Variants in ARL4A observed in about 807,000 individuals in gnomAD.
ARL4A encodes ADP-ribosylation factor-like protein 4A.
ARL4A carries 5 observed loss-of-function variants against 13.9 expected under a neutral mutation model. The ratio of observed to expected loss-of-function variants is 0.36; its 90% CI spans 0.19 to 0.75. The LOEUF (loss-of-function observed/expected upper bound fraction) is 0.75, where lower values mean the gene tolerates loss of function less well. Ranked by LOEUF, ARL4A falls within the 30% of genes least tolerant of loss-of-function variation. The pLI is 0.53. For missense variants in ARL4A, 147 were observed against 225.8 expected, an observed-to-expected ratio of 0.65 and a Z score of 2.24; for synonymous variants, 77 against 84.4, an observed-to-expected ratio of 0.91 and a Z score of 0.48.
rs1416174090 is a variant in ARL4A, at chr7:12,689,893, T to C, written c.*1036T>C. ...GAGAAGAGCAAAAGCTTTATAAATA[T>C]ACCTGATGCGCTGTAGAATGAAAAT... On this transcript the variant is annotated 3_prime_UTR_variant, in exon 2 of 2. Transcript: ENST00000651779. The C allele has an allele frequency of 1.2e-5, 2 of 167,012 alleles. No individual in the cohort carries two copies. The highest frequency in any genetic ancestry group is 2.9e-5 in the Non-Finnish European group (2 of 68,108). 10.3% of individuals were successfully genotyped at this position (167,012 alleles called of 1,614,324 possible).
rs547786228 is a variant in ARL4A, at chr7:12,688,189, C to T, written c.-66C>T. ...AGCAGTCTTATAGCTGGATCAGCTA[C>T]CAAGAGAAGTTGTAAACCAAGAAGA... is the stretch of plus-strand genomic sequence containing the variant. On this transcript the variant is annotated 5_prime_UTR_variant, in exon 2 of 2. Transcript: ENST00000651779. This position sits in a 1 kb window ranked among gnomAD's most constrained non-coding sequence, Gnocchi z 5.2. The T allele has an allele frequency of 5.4e-4, 818 of 1,515,938 alleles. 8 individuals carry two copies. The South Asian group carries it at 0.011, about 19-fold the overall frequency. 93.9% of individuals were successfully genotyped at this position (1,515,938 alleles called of 1,614,324 possible). A position where few individuals can be genotyped will look rare whatever the true frequency, so the allele number is the denominator to read the frequency against.
chr7:12,688,725 C>T lies in ARL4A; in HGVS notation c.471C>T (p.Ser157=). The T allele has an allele frequency of 1.2e-6, 2 of 1,613,956 alleles. No homozygotes were observed. Among genetic ancestry groups the T allele is most frequent in the Non-Finnish European group, 1.7e-6 (2 of 1,179,854 alleles). Residue 157 remains serine, a synonymous_variant, in exon 2 of 2, where the codon AGC becomes AGT. Coordinates refer to ENST00000651779, the MANE Select transcript of ARL4A (RefSeq NM_005738.5). The surrounding 1 kb of genome is among the most constrained non-coding windows in gnomAD (Gnocchi z 5.2). The part of the protein sequence containing the change: ...IEKLLAMGEL[S]SSTPWHLQPT... Reference sequence around the variant, plus strand: ...AATTGTTAGCAATGGGTGAACTGAGCTCATCAACTCCTTGGCATTTGCAGC... The same window carrying T: ...AATTGTTAGCAATGGGTGAACTGAGTTCATCAACTCCTTGGCATTTGCAGC...
rs1161038378 is a variant in ARL4A, at chr7:12,689,800, G to A, written c.*943G>A. The A allele has an allele frequency of 6.0e-6, 1 of 166,716 alleles. No homozygotes were observed. Among genetic ancestry groups the A allele is most frequent in the Non-Finnish European group, 1.5e-5 (1 of 68,096 alleles). 10.3% of individuals were successfully genotyped at this position (166,716 alleles called of 1,614,324 possible). On this transcript the variant is annotated 3_prime_UTR_variant, in exon 2 of 2. Transcript: ENST00000651779. ...GGTCTCTAAAATATTCCAGTTACAA[G>A]ATATTTGTTTTATTAATATTTGCTG...
chr7:12,687,250 G>A (rs1427998480), upstream of ARL4A: 2 of 152,190 alleles, frequency 1.3e-5, no homozygotes, highest in African/African-American at 4.8e-5. The surrounding 1 kb of genome is among the most constrained non-coding windows in gnomAD (Gnocchi z 5.6). Context: ...GGGTTAACGC[G>A]TTGGCAGTGA....
At position 12,689,352 on chromosome 7, in the gene ARL4A, G is replaced by A. The variant is rs2241748; in HGVS notation, c.*495G>A. 0.17 allele frequency: 28,370 copies of A among 167,582 alleles called. 4,078 individuals carry two copies. The highest frequency in any genetic ancestry group is 0.4 in the African/African-American group (16,628 of 41,452). The allele number at this position is 167,582 out of a possible 1,614,324, so 10.4% of individuals were successfully genotyped here. Reference sequence around the variant, plus strand: ...GTCCTTTTTTGAAGTAAGGGACAAGGAGTAAGTATTTTCTTTTTTAAGTTT... The same window carrying A: ...GTCCTTTTTTGAAGTAAGGGACAAGAAGTAAGTATTTTCTTTTTTAAGTTT... On this transcript the variant is annotated 3_prime_UTR_variant, in exon 2 of 2. Coordinates refer to ENST00000651779, the MANE Select transcript of ARL4A (RefSeq NM_005738.5).
Position 12,688,528 on chromosome 7 carries a change from T to C in ARL4A, c.274T>C (p.Cys92Arg), listed in dbSNP as rs1189020211. 1 of 1,612,026 alleles carries C rather than the reference T, an allele frequency of 6.2e-7. No homozygotes were observed. The highest frequency in any genetic ancestry group is 1.7e-5 in the Admixed American group (1 of 60,024). Residue 92 changes from cysteine (C) to arginine (R), a missense_variant, in exon 2 of 2, where the codon TGC becomes CGC. Transcript: ENST00000651779. The surrounding 1 kb of genome is among the most constrained non-coding windows in gnomAD (Gnocchi z 5.2). ...LRPLWKSYTRCTDGIVFVVDS... is the reference protein window; with the variant it reads ...LRPLWKSYTRRTDGIVFVVDS... ...GCCACTGTGGAAGTCATATACCAGATGCACAGATGGCATTGTATTTGTTGT... is the reference window on the plus strand; with the variant it reads ...GCCACTGTGGAAGTCATATACCAGACGCACAGATGGCATTGTATTTGTTGT...
rs1411782849 is a variant in ARL4A at position 12,688,441 on chromosome 7, T to C, written c.187T>C (p.Leu63=). The C allele has an allele frequency of 6.2e-7, 1 of 1,613,258 alleles. No homozygotes were observed. The highest frequency in any genetic ancestry group is 1.1e-5 in the South Asian group (1 of 91,040). Residue 63 remains leucine, a synonymous_variant, in exon 2 of 2, where the codon TTG becomes CTG. Coordinates refer to ENST00000651779, the MANE Select transcript of ARL4A (RefSeq NM_005738.5). The surrounding 1 kb of genome is among the most constrained non-coding windows in gnomAD (Gnocchi z 5.2). ...GFNTEKIKVT[L]GNSKTVTFHF... Reference sequence around the variant, plus strand: ...TAACACTGAGAAAATTAAGGTAACCTTGGGAAATTCTAAAACAGTCACTTT... The same window carrying C: ...TAACACTGAGAAAATTAAGGTAACCCTGGGAAATTCTAAAACAGTCACTTT...
Position 12,689,234 on chromosome 7 carries a change from A to T in ARL4A, c.*377A>T, listed in dbSNP as rs1367743113. 2 of 209,516 alleles carry T rather than the reference A, an allele frequency of 9.5e-6. No individual in the cohort carries two copies. Among genetic ancestry groups the T allele is most frequent in the East Asian group, 2.6e-4 (2 of 7,644 alleles). 13.0% of individuals were successfully genotyped at this position (209,516 alleles called of 1,614,324 possible). ...GGGGAAGCCTTTGCAAGAAAATTGCATACAAGGCTTTGTAACGATCAAGTG... is the reference window on the plus strand; with the variant it reads ...GGGGAAGCCTTTGCAAGAAAATTGCTTACAAGGCTTTGTAACGATCAAGTG... On this transcript the variant is annotated 3_prime_UTR_variant, in exon 2 of 2. Coordinates refer to ENST00000651779, the MANE Select transcript of ARL4A (RefSeq NM_005738.5).
Position 12,690,346 on chromosome 7 carries a change from C to A in ARL4A, c.*1489C>A, listed in dbSNP as rs1583346019. 6.8e-6 allele frequency: 1 copy of A among 147,822 alleles called. No individual in the cohort carries two copies. The highest frequency in any genetic ancestry group is 1.6e-5 in the Non-Finnish European group (1 of 62,568). 9.2% of individuals were successfully genotyped at this position (147,822 alleles called of 1,614,324 possible). On this transcript the variant is annotated 3_prime_UTR_variant, in exon 2 of 2. Transcript: ENST00000651779. ...CATAACAGTTTTTGGAACCTTGATT[C>A]TTGTGTCACACAAAATGAATGAAGT...
chr7:12,690,023 A>G lies in ARL4A; in HGVS notation c.*1166A>G, dbSNP rs1784592716. The stretch of plus-strand genomic sequence containing the variant: ...TGATTATAGAGAGGAAGAAATGGTA[A>G]CAGTATGGCAGATAAGAATTACAAT... On this transcript the variant is annotated 3_prime_UTR_variant, in exon 2 of 2. Transcript: ENST00000651779. 6.0e-6 allele frequency: 1 copy of G among 167,096 alleles called. No homozygotes were observed. The highest frequency in any genetic ancestry group is 1.5e-5 in the Non-Finnish European group (1 of 68,122). The allele number at this position is 167,096 out of a possible 1,614,324, so 10.4% of individuals were successfully genotyped here.
rs1290127102 is a variant in ARL4A at position 12,688,626 on chromosome 7, T to C, written c.372T>C (p.Asn124=). 6.2e-7 allele frequency: 1 copy of C among 1,613,428 alleles called. No individual in the cohort carries two copies. The highest frequency in any genetic ancestry group is 1.1e-5 in the South Asian group (1 of 91,054). Residue 124 remains asparagine (N), a synonymous_variant, in exon 2 of 2, where the codon AAT becomes AAC. Coordinates refer to ENST00000651779, the MANE Select transcript of ARL4A (RefSeq NM_005738.5). The surrounding 1 kb of genome is among the most constrained non-coding windows in gnomAD (Gnocchi z 5.2). ...ACAAAATAACTAGGATATCAGAAAA[T>C]CAGGGAGTCCCTGTACTTATAGTTG... ...ELHKITRISE[N]QGVPVLIVAN...
At position 12,688,310 on chromosome 7, in the gene ARL4A, A is replaced by G. The variant is rs764487561; in HGVS notation, c.56A>G (p.Gln19Arg). The change falls in exon 2 of 2, where the codon CAG becomes CGG. Residue 19 changes from glutamine (Q) to arginine (R), a missense_variant. Physicochemically the swap from Gln to Arg is conservative, Grantham distance 43. Coordinates refer to ENST00000651779, the MANE Select transcript of ARL4A (RefSeq NM_005738.5). The surrounding 1 kb of genome is among the most constrained non-coding windows in gnomAD (Gnocchi z 5.2). ...TSILSNLPSF[Q>R]SFHIVILGLD... is the part of the protein sequence containing the mutation. ...ATCCTGTCCAACCTGCCTTCATTTCAGTCTTTCCACATTGTTATTCTGGGT... is the reference window on the plus strand; with the variant it reads ...ATCCTGTCCAACCTGCCTTCATTTCGGTCTTTCCACATTGTTATTCTGGGT... 9.3e-6 allele frequency: 15 copies of G among 1,613,380 alleles called. No homozygotes were observed. The highest frequency in any genetic ancestry group is 7.7e-5 in the South Asian group (7 of 90,954).
At position 12,689,327 on chromosome 7, in the gene ARL4A, G is replaced by C. The variant is rs1784580846; in HGVS notation, c.*470G>C. 1 of 168,116 alleles carries C rather than the reference G, an allele frequency of 5.9e-6. No individual in the cohort carries two copies. The highest frequency in any genetic ancestry group is 1.5e-5 in the Non-Finnish European group (1 of 68,890). The allele number at this position is 168,116 out of a possible 1,614,324, so 10.4% of individuals were successfully genotyped here. The stretch of plus-strand genomic sequence containing the variant: ...TATATTGATCACATTGGTCCAACCA[G>C]TCCTTTTTTGAAGTAAGGGACAAGG... On this transcript the variant is annotated 3_prime_UTR_variant, in exon 2 of 2. Transcript: ENST00000651779.
Position 12,688,398 on chromosome 7 carries a change from C to T in ARL4A, c.144C>T (p.Thr48=), listed in dbSNP as rs1230006090. The change falls in exon 2 of 2, where the codon ACC becomes ACT. Residue 48 remains threonine, a synonymous_variant. Transcript: ENST00000651779. The surrounding 1 kb of genome is among the most constrained non-coding windows in gnomAD (Gnocchi z 5.2). ...TGCAGTTCAATGAATTTGTAAATAC[C>T]GTACCTACCAAAGGATTTAACACTG... ...YRLQFNEFVN[T]VPTKGFNTEK... 1.9e-6 allele frequency: 3 copies of T among 1,613,722 alleles called. No homozygotes were observed. Among genetic ancestry groups the T allele is most frequent in the African/African-American group, 2.7e-5 (2 of 74,872 alleles).
chr7:12,688,963 T>G lies in ARL4A; in HGVS notation c.*106T>G, dbSNP rs1292151397. The G allele has an allele frequency of 3.3e-5, 38 of 1,164,654 alleles. No individual in the cohort carries two copies. The highest frequency in any genetic ancestry group is 4.5e-5 in the Non-Finnish European group (37 of 819,620). 72.1% of individuals were successfully genotyped at this position (1,164,654 alleles called of 1,614,324 possible). A position where few individuals can be genotyped will look rare whatever the true frequency, so the allele number is the denominator to read the frequency against. On this transcript the variant is annotated 3_prime_UTR_variant, in exon 2 of 2. Transcript: ENST00000651779. The surrounding 1 kb of genome is among the most constrained non-coding windows in gnomAD (Gnocchi z 5.2). ...TTTGCCTGTCTGCCCTCCTGGATGC[T>G]ATTAAAGCTTTGTTTTGTTGAACAA... is the stretch of plus-strand genomic sequence containing the variant.
rs985268137 is a variant in ARL4A at position 12,687,776 on chromosome 7, G to C, written c.-90+48G>C. On this transcript the variant is annotated intron_variant, in intron 1 of 1. Coordinates refer to ENST00000651779, the MANE Select transcript of ARL4A (RefSeq NM_005738.5). This position sits in a 1 kb window ranked among gnomAD's most constrained non-coding sequence, Gnocchi z 5.6. ...AGGGGTAGGAGGTAATAGTGATCTT[G>C]GGTATGCTGTTAAGCATGTGGAATT... 1 of 156,212 alleles carries C rather than the reference G, an allele frequency of 6.4e-6. No homozygotes were observed. The highest frequency in any genetic ancestry group is 2.4e-5 in the African/African-American group (1 of 41,484). 9.7% of individuals were successfully genotyped at this position (156,212 alleles called of 1,614,324 possible).
In ARL4A at chr7:12,688,065, T is replaced by G; in HGVS notation, c.-89-101T>G. 1 of 748,814 alleles carries G rather than the reference T, an allele frequency of 1.3e-6. No homozygotes were observed. 46.4% of individuals were successfully genotyped at this position (748,814 alleles called of 1,614,324 possible). ...CGTCTGGTTTGTTTAGCGCAGCAAGTTATAGTAAGTTCTTCGTGTTGTTTA... is the reference window on the plus strand; with the variant it reads ...CGTCTGGTTTGTTTAGCGCAGCAAGGTATAGTAAGTTCTTCGTGTTGTTTA... On this transcript the variant is annotated intron_variant, in intron 1 of 1. Coordinates refer to ENST00000651779, the MANE Select transcript of ARL4A (RefSeq NM_005738.5). This position sits in a 1 kb window ranked among gnomAD's most constrained non-coding sequence, Gnocchi z 5.2.
rs2115332608 is a variant in ARL4A, at chr7:12,688,995, G to A, written c.*138G>A. ...GCTTTGTTTTGTTGAACAATCAGAT[G>A]CCCAACTCTGTTGCCTTGTGGAAGA... is the stretch of plus-strand genomic sequence containing the variant. On this transcript the variant is annotated 3_prime_UTR_variant, in exon 2 of 2. Coordinates refer to ENST00000651779, the MANE Select transcript of ARL4A (RefSeq NM_005738.5). The surrounding 1 kb of genome is among the most constrained non-coding windows in gnomAD (Gnocchi z 5.2). 1.2e-6 allele frequency: 1 copy of A among 834,472 alleles called. No individual in the cohort carries two copies. The highest frequency in any genetic ancestry group is 2.6e-5 in the East Asian group (1 of 38,042). 51.7% of individuals were successfully genotyped at this position (834,472 alleles called of 1,614,324 possible).
rs563495798 is a variant in ARL4A, at chr7:12,689,466, T to C, written c.*609T>C. 6.0e-6 allele frequency: 1 copy of C among 167,310 alleles called. No individual in the cohort carries two copies. Among genetic ancestry groups the C allele is most frequent in the South Asian group, 2.1e-4 (1 of 4,830 alleles). 10.4% of individuals were successfully genotyped at this position (167,310 alleles called of 1,614,324 possible). The stretch of plus-strand genomic sequence containing the variant: ...CAATGTTTAAGTTGGTCTACCTTTA[T>C]TAAAAATAAGATATTTGGGGTATAT... On this transcript the variant is annotated 3_prime_UTR_variant, in exon 2 of 2. Transcript: ENST00000651779.
Sources: allele counts gnomAD v4.1 joint callset, GRCh38; gene constraint gnomAD v4.1.1; non-coding constraint Gnocchi (gnomAD v3.1); transcripts MANE v1.5; gene names NCBI Gene and HGNC (gene_info 2026-07-23, HGNC 2026-07-21).